Variants in TRAPPC9 observed in about 807,000 individuals in gnomAD.
TRAPPC9 encodes the protein trafficking protein particle complex subunit 9.
Under a neutral mutation model 124.0 loss-of-function variants are expected in TRAPPC9, and 83 were observed. The ratio of observed to expected loss-of-function variants is 0.67; its 90% CI spans 0.56 to 0.80. The LOEUF is 0.80. Ranked by LOEUF, TRAPPC9 falls within the 30% of genes least tolerant of loss-of-function variation. The pLI is 0.00. For synonymous variants in TRAPPC9, 638 were observed against 617.5 expected (o/e 1.03, Z -0.49); for missense variants, 1,302 against 1,508.3 (o/e 0.86, Z 2.27).
intron 21 of TRAPPC9, among the ~76,000 whole-genome samples, chr8:139,778,059 C>T (rs998966683): frequency 6.6e-6 from 1 of 152,072 alleles, no homozygotes; most frequent in African/African-American, 2.4e-5. Context: ...TTCAGCAAGA[C>T]ACTGAAAGTA....
At chr8:139,827,756 C>T (rs763028595) in intron 21 of TRAPPC9, among the ~76,000 whole-genome samples, 3 of 152,178 alleles carry the variant, frequency 2.0e-5, no homozygotes, top group Non-Finnish European at 2.9e-5. Flanking sequence ...ACACCTAGGG[C>T]AGGGTGGTTT....
intron 21 of TRAPPC9, among the ~76,000 whole-genome samples, chr8:139,781,890 A>G (rs1383557489): frequency 3.9e-5 from 6 of 152,206 alleles, no homozygotes; most frequent in Non-Finnish European, 8.8e-5. Flanking sequence ...AATAGAACAA[A>G]GAACAGTTGG....
chr8:139,816,504 T>A (rs1005684575), intron 21 of TRAPPC9, among the ~76,000 whole-genome samples: 1 of 152,030 alleles, frequency 6.6e-6, no homozygotes, highest in Admixed American at 6.5e-5. Flanking sequence ...CATCTCAGTA[T>A]GGAGATGGGC....
chr8:139,825,126 G>C lies in TRAPPC9; in HGVS notation c.3055+60753C>G, dbSNP rs1406299027. Among the ~76,000 whole-genome samples, 1 of 152,136 alleles carries C rather than the reference G, an allele frequency of 6.6e-6. No individual in the cohort carries two copies. Among genetic ancestry groups the C allele is most frequent in the East Asian group, 1.9e-4 (1 of 5,176 alleles). ...GACCCGGGCCCTGGACGTGGGACGT[G>C]GGCTGCGGGACTACAGGATTACAGA... On this transcript the variant is annotated intron_variant, in intron 21 of 22. Transcript: ENST00000438773. The surrounding 1 kb of genome is among the most constrained non-coding windows in gnomAD (Gnocchi z 4.6).
intron 17 of TRAPPC9, among the ~76,000 whole-genome samples, chr8:140,140,655 A>T (rs1160357983): frequency 1.3e-5 from 2 of 152,192 alleles, no homozygotes; most frequent in Non-Finnish European, 2.9e-5. Flanking sequence ...TCTGCCTCCC[A>T]GATCTTGCCA....
At chr8:139,924,524 C>T (rs1016004491) in intron 19 of TRAPPC9, among the ~76,000 whole-genome samples, 1 of 152,230 alleles carries the variant, frequency 6.6e-6, no homozygotes, top group Non-Finnish European at 1.5e-5. Context: ...ACCGTCAACG[C>T]ACCATCATGC....
At chr8:140,027,381 G>A (rs973198289) in intron 17 of TRAPPC9, among the ~76,000 whole-genome samples, 1 of 152,302 alleles carries the variant, frequency 6.6e-6, no homozygotes, top group South Asian at 2.1e-4. Context: ...CAAAATCTGT[G>A]AAGTAACAAC....
At chr8:140,233,623 CCACACACACA>C (rs35452775) in intron 16 of TRAPPC9, among the ~76,000 whole-genome samples, 2 of 90,862 alleles carry the variant, frequency 2.2e-5, no homozygotes. Context: ...TCTCTCCCCA[CCACACACACA>C]CACACACACA....
rs536541236 is a variant in TRAPPC9, at chr8:140,235,435, A to G, written c.2432-13852T>C. On this transcript the variant is annotated intron_variant, in intron 16 of 22. Coordinates refer to ENST00000438773, the MANE Select transcript of TRAPPC9 (RefSeq NM_001160372.4). ...TAATATCCAAAATATGTTGAGTACT[A>G]CTATAAATCAGTTGGAAGGTAAATA... is the stretch of plus-strand genomic sequence containing the variant. 2.0e-5 allele frequency among the ~76,000 whole-genome samples: 3 copies of G among 152,360 alleles called. No homozygotes were observed. The East Asian group carries it at 5.8e-4, about 29-fold the overall frequency.
chr8:140,338,631 T>C (rs572398377), intron 9 of TRAPPC9, among the ~76,000 whole-genome samples: 2 of 152,304 alleles, frequency 1.3e-5, no homozygotes, highest in South Asian at 4.1e-4. Flanking sequence ...ATGACTGGCG[T>C]CCTTATAACG....
At chr8:140,432,298 G>A (rs2070672996) in intron 4 of TRAPPC9, among the ~76,000 whole-genome samples, 1 of 152,062 alleles carries the variant, frequency 6.6e-6, no homozygotes, top group Non-Finnish European at 1.5e-5. Context: ...AGTGTAACTA[G>A]CACATACTGA....
rs542124137 is a variant in TRAPPC9 at position 139,830,612 on chromosome 8, A to C, written c.3055+55267T>G. On this transcript the variant is annotated intron_variant, in intron 21 of 22. Coordinates refer to ENST00000438773, the MANE Select transcript of TRAPPC9 (RefSeq NM_001160372.4). ...TGCACACACCACACGCATACACCAC[A>C]CGCATACACACACATGCATACACAG... Among the ~76,000 whole-genome samples, 23 of 152,128 alleles carry C rather than the reference A, an allele frequency of 1.5e-4. No homozygotes were observed. The East Asian group carries it at 4.3e-3, about 28-fold the overall frequency.
chr8:140,081,750 C>G (rs145963173), intron 17 of TRAPPC9, among the ~76,000 whole-genome samples: 1 of 152,194 alleles, frequency 6.6e-6, no homozygotes, highest in African/African-American at 2.4e-5. Flanking sequence ...TCTTTTGGGG[C>G]GGGGACCAGA....
chr8:139,904,547 C>A (rs1232545170), intron 20 of TRAPPC9: 1 of 152,248 alleles, frequency 6.6e-6, no homozygotes, highest in Admixed American at 6.5e-5. Flanking sequence ...CAGATGTGAT[C>A]TCAGTTGAAG....
At position 140,128,482 on chromosome 8, in the gene TRAPPC9, G is replaced by A. The variant is rs145169797; in HGVS notation, c.2556+92977C>T. ...AATGAGCGGCTAAAGGCCAAGGGTGGGGACAAAGGCTAGGGTATAAACTGT... is the reference window on the plus strand; with the variant it reads ...AATGAGCGGCTAAAGGCCAAGGGTGAGGACAAAGGCTAGGGTATAAACTGT... On this transcript the variant is annotated intron_variant, in intron 17 of 22. Transcript: ENST00000438773. 8.2e-3 allele frequency among the ~76,000 whole-genome samples: 1,253 copies of A among 152,306 alleles called. 23 individuals are homozygous for A. The highest frequency in any genetic ancestry group is 0.028 in the African/African-American group (1,167 of 41,572).
At chr8:140,303,585 G>A (rs534911343) in intron 10 of TRAPPC9, among the ~76,000 whole-genome samples, 1 of 152,346 alleles carries the variant, frequency 6.6e-6, no homozygotes, top group African/African-American at 2.4e-5. Context: ...TGGCAGATGA[G>A]ATCACGCTTG....
At chr8:140,340,810 C>T (rs1368430548) in intron 9 of TRAPPC9, among the ~76,000 whole-genome samples, 2 of 152,170 alleles carry the variant, frequency 1.3e-5, no homozygotes, top group Non-Finnish European at 2.9e-5. Context: ...CACTCAAATA[C>T]CCATGAATGA....
At chr8:139,757,811 G>A (rs1028163351) in intron 21 of TRAPPC9, among the ~76,000 whole-genome samples, 1 of 152,136 alleles carries the variant, frequency 6.6e-6, no homozygotes, top group Admixed American at 6.5e-5. Context: ...CGCTTAGTAG[G>A]CAAGCAGTCG....
intron 19 of TRAPPC9, among the ~76,000 whole-genome samples, chr8:139,982,465 C>T (rs1836973559): frequency 6.6e-6 from 1 of 152,192 alleles, no homozygotes. Flanking sequence ...CCCAACACTG[C>T]CCCGGGGTAG....
Sources: gnomAD v4.1 joint callset for allele counts (sites outside exome capture counted in the v4.1 genomes callset) on GRCh38, gnomAD v4.1.1 for gene constraint, Gnocchi (gnomAD v3.1) non-coding constraint, MANE v1.5 for transcripts, NCBI Gene and HGNC (gene_info 2026-07-23, HGNC 2026-07-21) for gene names.